Variants in SMOC2 observed in about 807,000 individuals in gnomAD.
SMOC2 encodes SPARC-related modular calcium-binding protein 2.
In SMOC2, 39 loss-of-function variants were observed where a neutral mutation model predicts 61.4. The observed-to-expected ratio is 0.64, with a 90% CI of 0.49 to 0.83. SMOC2 has a LOEUF of 0.83. Among genes scored for constraint, SMOC2 ranks in the 40% least tolerant of loss-of-function variants. The pLI, the probability that SMOC2 is intolerant of heterozygous loss-of-function variation, is 0.00. For synonymous variants in SMOC2, 247 were observed against 239.9 expected, an observed-to-expected ratio of 1.03 and a Z score of -0.27; for missense variants, 556 against 592.9, an observed-to-expected ratio of 0.94 and a Z score of 0.65.
intron 1 of SMOC2, among the ~76,000 whole-genome samples, chr6:168,442,035 G>T (rs866803013): frequency 2.6e-5 from 4 of 152,326 alleles, no homozygotes; most frequent in South Asian, 2.1e-4. Flanking sequence ...GCTGCCAGTC[G>T]TGGGCCCCAC....
intron 9 of SMOC2, among the ~76,000 whole-genome samples, chr6:168,645,577 C>T (rs914843728): frequency 6.6e-5 from 10 of 152,206 alleles, no homozygotes; most frequent in Non-Finnish European, 1.2e-4. Context: ...CTTCAAAAAT[C>T]CAACCCTGTG....
At chr6:168,645,015 G>A (rs1786986707) in intron 9 of SMOC2, among the ~76,000 whole-genome samples, 1 of 152,164 alleles carries the variant, frequency 6.6e-6, no homozygotes, top group Non-Finnish European at 1.5e-5. Flanking sequence ...CTTTTATATA[G>A]TTTGAAATAG....
At position 168,517,676 on chromosome 6, in the gene SMOC2, G is replaced by T. The variant is rs531643783; in HGVS notation, c.256+7590G>T. 6.7e-3 allele frequency among the ~76,000 whole-genome samples: 1,026 copies of T among 152,334 alleles called. 9 individuals are homozygous for T. Among genetic ancestry groups the T allele is most frequent in the Non-Finnish European group, 9.6e-3 (652 of 68,024 alleles). ...TCTGTTGCAGTTTTCCTGAGAGCAC[G>T]GCAATGGCCCCTGCGGCTCGCAGCT... On this transcript the variant is annotated intron_variant, in intron 2 of 12. Coordinates refer to ENST00000356284, the MANE Select transcript of SMOC2 (RefSeq NM_001166412.2).
At chr6:168,512,149 G>T (rs1029133199) in intron 2 of SMOC2, among the ~76,000 whole-genome samples, 6 of 152,186 alleles carry the variant, frequency 3.9e-5, no homozygotes, top group Admixed American at 2.0e-4. Flanking sequence ...CGACAGGAGG[G>T]CCCGAGAGGG....
At chr6:168,454,416 T>A (rs536122406) in intron 1 of SMOC2, among the ~76,000 whole-genome samples, 7 of 152,188 alleles carry the variant, frequency 4.6e-5, no homozygotes, top group Non-Finnish European at 8.8e-5. Flanking sequence ...CTTTCTGGGT[T>A]TTCCAGGTTC....
At chr6:168,463,369 G>A (rs886577840) in intron 1 of SMOC2, among the ~76,000 whole-genome samples, 16 of 152,188 alleles carry the variant, frequency 1.1e-4, no homozygotes, top group African/African-American at 2.7e-4. Flanking sequence ...GCTGGCACCC[G>A]TTGCTGCGTA....
At position 168,598,907 on chromosome 6, in the gene SMOC2, G is replaced by A. The variant is rs551280549; in HGVS notation, c.727G>A (p.Gly243Ser). ...TGTGGTGATCCCTGAGTGTGCGCAC[G>A]GCGGCCTCTACAAGCCAGTGCAGTG... ...DNVVIPECAHGGLYKPVQCHP... is the reference protein window; with the variant it reads ...DNVVIPECAHSGLYKPVQCHP... Residue 243 changes from glycine (G) to serine (S), a missense_variant, in exon 8 of 13, where the codon GGC (glycine) becomes AGC (serine). Gly to Ser is a moderately conservative substitution (Grantham distance 56). Coordinates refer to ENST00000356284, the MANE Select transcript of SMOC2 (RefSeq NM_001166412.2). 9.3e-6 allele frequency: 15 copies of A among 1,613,626 alleles called. No individual in the cohort carries two copies. The highest frequency in any genetic ancestry group is 2.7e-5 in the African/African-American group (2 of 74,966).
chr6:168,618,386 T>G, intron 9 of SMOC2, among the ~76,000 whole-genome samples: 1 of 143,610 alleles, frequency 7.0e-6, no homozygotes, highest in Admixed American at 7.0e-5. Context: ...GGTAGTGGCA[T>G]TAAGAGGAGA....
At chr6:168,582,073 C>A (rs975269553) in intron 7 of SMOC2, among the ~76,000 whole-genome samples, 1 of 152,242 alleles carries the variant, frequency 6.6e-6, no homozygotes, top group Non-Finnish European at 1.5e-5. Context: ...ACATCTCAAG[C>A]TCCAGTTTGG....
At chr6:168,466,380 A>G (rs1781833880) in intron 1 of SMOC2, among the ~76,000 whole-genome samples, 1 of 152,066 alleles carries the variant, frequency 6.6e-6, no homozygotes, top group Non-Finnish European at 1.5e-5. Context: ...GGTGCTCTGG[A>G]TGCCGCTCCC....
chr6:168,501,188 C>A (rs1782719583), intron 1 of SMOC2, among the ~76,000 whole-genome samples: 1 of 152,154 alleles, frequency 6.6e-6, no homozygotes, highest in Non-Finnish European at 1.5e-5. Context: ...AATAACAGAG[C>A]TTCTACTGAA....
At chr6:168,491,518 A>T (rs1477583366) in intron 1 of SMOC2, among the ~76,000 whole-genome samples, 1 of 152,132 alleles carries the variant, frequency 6.6e-6, no homozygotes, top group Non-Finnish European at 1.5e-5. Flanking sequence ...AGTATTTGGG[A>T]TCAATTCAGC....
chr6:168,659,647 T>A, intron 11 of SMOC2, among the ~76,000 whole-genome samples: 1 of 151,272 alleles, frequency 6.6e-6, no homozygotes, highest in Non-Finnish European at 1.5e-5. Flanking sequence ...GTAGGTTGGG[T>A]GAGGGTGGAG....
In SMOC2 at chr6:168,524,905, G is replaced by A. The variant is rs73791056; in HGVS notation, c.257-1441G>A. On this transcript the variant is annotated intron_variant, in intron 2 of 12. Transcript: ENST00000356284. ...AAGGCCCTGGAGCATTGTTAGAGGC[G>A]GAGCCTGTAGGAGCCCGCTGTGACG... is the stretch of plus-strand genomic sequence containing the variant. Among the ~76,000 whole-genome samples, 649 of 152,362 alleles carry A rather than the reference G, an allele frequency of 4.3e-3. 2 individuals carry two copies. Among genetic ancestry groups the A allele is most frequent in the African/African-American group, 0.014 (587 of 41,598 alleles).
intron 1 of SMOC2, among the ~76,000 whole-genome samples, chr6:168,469,886 C>T (rs1380110167): frequency 6.6e-6 from 1 of 152,208 alleles, no homozygotes; most frequent in South Asian, 2.1e-4. Context: ...TTGTCTTTCT[C>T]GTTGTCTTGG....
rs943586191 is a variant in SMOC2 at position 168,544,055 on chromosome 6, A to G, written c.511+383A>G. 1.3e-5 allele frequency among the ~76,000 whole-genome samples: 2 copies of G among 152,112 alleles called. No individual in the cohort carries two copies. Among genetic ancestry groups the G allele is most frequent in the African/African-American group, 4.8e-5 (2 of 41,426 alleles). On this transcript the variant is annotated intron_variant, in intron 5 of 12. Coordinates refer to ENST00000356284, the MANE Select transcript of SMOC2 (RefSeq NM_001166412.2). The surrounding 1 kb of genome is among the most constrained non-coding windows in gnomAD (Gnocchi z 4.1). Reference sequence around the variant, plus strand: ...AAAGATGCCTCAACTCCTCCCTACAAGGAGGAAGAGGAACAGTTTTTCTAC... The same window carrying G: ...AAAGATGCCTCAACTCCTCCCTACAGGGAGGAAGAGGAACAGTTTTTCTAC...
intron 4 of SMOC2, 144 bp from the exon 5 acceptor site, chr6:168,543,481 A>T: frequency 1.5e-6 from 1 of 683,048 alleles, no homozygotes; most frequent in Non-Finnish European, 2.6e-6. Context: ...TCAGGGTACT[A>T]GACAGCTTAC....
chr6:168,596,750 C>G (rs1785344984), intron 7 of SMOC2, among the ~76,000 whole-genome samples: 2 of 152,226 alleles, frequency 1.3e-5, no homozygotes, highest in African/African-American at 4.8e-5. Flanking sequence ...AATCATCGTC[C>G]TTTTTATTTG....
Position 168,523,554 on chromosome 6 carries a change from ATT to A in SMOC2, c.257-2782_257-2781del, listed in dbSNP as rs55889954. The stretch of plus-strand genomic sequence containing the variant: ...AGGCGCCTGCCACCATGCCTGGCTA[ATT>A]TTTTTTTTTATTATTTTTATTTTTA... On this transcript the variant is annotated intron_variant, in intron 2 of 12. Coordinates refer to ENST00000356284, the MANE Select transcript of SMOC2 (RefSeq NM_001166412.2). Among the ~76,000 whole-genome samples the A allele has an allele frequency of 5.8e-4, 86 of 147,056 alleles. 1 individual carries two copies. Among genetic ancestry groups the A allele is most frequent in the African/African-American group, 5.3e-4 (21 of 39,538 alleles).
Sources: gnomAD v4.1 joint callset for allele counts (sites outside exome capture counted in the v4.1 genomes callset) on GRCh38, gnomAD v4.1.1 for gene constraint, Gnocchi (gnomAD v3.1) non-coding constraint, MANE v1.5 for transcripts, NCBI Gene and HGNC (gene_info 2026-07-23, HGNC 2026-07-21) for gene names.